HNRNPUL2: variants seen among roughly 807,000 people sequenced by gnomAD.
HNRNPUL2 encodes heterogeneous nuclear ribonucleoprotein U-like protein 2.
In HNRNPUL2, 27 loss-of-function variants were observed where a neutral mutation model predicts 102.2. That is an observed-to-expected ratio of 0.26 (90% confidence interval 0.19 to 0.36). The LOEUF (loss-of-function observed/expected upper bound fraction) is 0.36. Among genes scored for constraint, HNRNPUL2 ranks in the 10% least tolerant of loss-of-function variants. HNRNPUL2 has a pLI of 1.00. For synonymous variants in HNRNPUL2, 458 were observed against 387.2 expected (o/e 1.18, Z -2.15); for missense variants, 936 against 981.1 (o/e 0.95, Z 0.61).
intron 1 of HNRNPUL2, among the ~76,000 whole-genome samples, chr11:62,726,240 G>A (rs1286834528): frequency 1.3e-5 from 2 of 152,150 alleles, no homozygotes; most frequent in East Asian, 1.9e-4. Context: ...GTAGCCCAAA[G>A]ACCTGACCCT....
Position 62,714,658 on chromosome 11 carries a change from G to T in HNRNPUL2, c.*641C>A. On this transcript the variant is annotated 3_prime_UTR_variant, in exon 14 of 14. Coordinates refer to ENST00000301785, the MANE Select transcript of HNRNPUL2 (RefSeq NM_001079559.3). ...CTCAGCCAAACAGCACAAAGGCACA[G>T]GAAAATGGAGAGTTGGGACACTGTA... The T allele has an allele frequency of 6.6e-6, 1 of 152,462 alleles. No homozygotes were observed. 9.4% of individuals were successfully genotyped at this position (152,462 alleles called of 1,614,324 possible). A position where few individuals can be genotyped will look rare whatever the true frequency, so the allele number is the denominator to read the frequency against.
intron 9 of HNRNPUL2, among the ~76,000 whole-genome samples, chr11:62,721,041 C>T (rs990226779): frequency 6.6e-6 from 1 of 152,128 alleles, no homozygotes; most frequent in Non-Finnish European, 1.5e-5. Context: ...AGATCACAAA[C>T]CAGAATGTGG....
At position 62,724,434 on chromosome 11, in the gene HNRNPUL2, A is replaced by G; in HGVS notation, c.539-8T>C. ...CACTATCCTGGTCATCTCCTACAAA[A>G]ACGAGGGAAAGAAAATCAGCAGTTT... On this transcript the variant is annotated splice_region_variant and splice_polypyrimidine_tract_variant and intron_variant, in intron 1 of 13. Coordinates refer to ENST00000301785, the MANE Select transcript of HNRNPUL2 (RefSeq NM_001079559.3). 1.9e-6 allele frequency: 3 copies of G among 1,614,122 alleles called. No homozygotes were observed. The highest frequency in any genetic ancestry group is 2.5e-6 in the Non-Finnish European group (3 of 1,180,000).
chr11:62,725,248 A>G (rs955513241), intron 1 of HNRNPUL2, among the ~76,000 whole-genome samples: 1 of 152,026 alleles, frequency 6.6e-6, no homozygotes, highest in African/African-American at 2.4e-5. Flanking sequence ...CCCAGGCTGG[A>G]GTGTAGTGGC....
Position 62,721,388 on chromosome 11 carries a change from T to C in HNRNPUL2, c.1518A>G (p.Lys506=), listed in dbSNP as rs150784634. ...CTTGCTGAACTAAAAGGTCTCGGCT[T>C]TTGGGGTCCATCTCTGGCTCCTCGA... is the stretch of plus-strand genomic sequence containing the variant. The part of the protein sequence containing the change: ...KGLEEPEMDP[K]SRDLLVQQAS... Residue 506 remains lysine (K), a synonymous_variant, in exon 9 of 14, where the codon AAA becomes AAG. Transcript: ENST00000301785. 1.5e-4 allele frequency: 234 copies of C among 1,608,644 alleles called. 1 individual carries two copies. The East Asian group carries it at 4.4e-3, about 30-fold the overall frequency.
rs562233352 is a variant in HNRNPUL2 at position 62,715,097 on chromosome 11, T to TA, written c.*201dup. On this transcript the variant is annotated 3_prime_UTR_variant, in exon 14 of 14. Coordinates refer to ENST00000301785, the MANE Select transcript of HNRNPUL2 (RefSeq NM_001079559.3). ...AGACAATATTCTTTTCAACAAACTT[T>TA]AAAAAAAATGTACAGTTTTGTTGTT... 4.5e-4 allele frequency: 249 copies of TA among 553,094 alleles called. 2 individuals carry two copies. The South Asian group carries it at 5.7e-3, about 13-fold the overall frequency. 34.3% of individuals were successfully genotyped at this position (553,094 alleles called of 1,614,324 possible).
rs2083689868 is a variant in HNRNPUL2, at chr11:62,720,198, A to G, written c.1612-7T>C. The G allele has an allele frequency of 6.2e-7, 1 of 1,612,446 alleles. No individual in the cohort carries two copies. Among genetic ancestry groups the G allele is most frequent in the Non-Finnish European group, 8.5e-7 (1 of 1,178,548 alleles). ...CAGAATTGTACACATTACACTAAGA[A>G]CAGGAGGAATAACTGATGTTTAGGA... On this transcript the variant is annotated splice_polypyrimidine_tract_variant and splice_region_variant and intron_variant, in intron 9 of 13. Coordinates refer to ENST00000301785, the MANE Select transcript of HNRNPUL2 (RefSeq NM_001079559.3).
chr11:62,712,750 T>TA lies in HNRNPUL2; in HGVS notation c.*2548dup, dbSNP rs1298415504. 1 of 152,122 alleles carries TA rather than the reference T, an allele frequency of 6.6e-6. No individual in the cohort carries two copies. The highest frequency in any genetic ancestry group is 1.9e-4 in the East Asian group (1 of 5,198). 9.4% of individuals were successfully genotyped at this position (152,122 alleles called of 1,614,324 possible). A position where few individuals can be genotyped will look rare whatever the true frequency, so the allele number is the denominator to read the frequency against. The stretch of plus-strand genomic sequence containing the variant: ...TTACAGATGTAAACAATGACACAGT[T>TA]ACATTTTTTTTTTAAATGGTAAAAC... On this transcript the variant is annotated 3_prime_UTR_variant, in exon 14 of 14. Transcript: ENST00000301785.
At position 62,722,216 on chromosome 11, in the gene HNRNPUL2, G is replaced by A. The variant is rs559437221; in HGVS notation, c.1260C>T (p.Pro420=). The change falls in exon 7 of 14, where the codon CCC becomes CCT. Residue 420 remains proline, a synonymous_variant. Transcript: ENST00000301785. ...VELNFGQKEE[P]FFPPPEEFVF... ...CAAACTCTTCTGGTGGTGGGAAGAA[G>A]GGCTCCTCCTTCTGACCGAAGTTTA... The A allele has an allele frequency of 1.2e-6, 2 of 1,614,184 alleles. No individual in the cohort carries two copies. The highest frequency in any genetic ancestry group is 1.7e-6 in the Non-Finnish European group (2 of 1,180,024).
intron 3 of HNRNPUL2, 88 bp from the exon 4 acceptor site, chr11:62,723,814 A>G: frequency 6.2e-7 from 1 of 1,600,468 alleles, no homozygotes. Flanking sequence ...GTTGTAGTGG[A>G]TACAAAGTCT....
intron 3 of HNRNPUL2, 87 bp from the exon 4 acceptor site, chr11:62,723,813 G>C (rs1159316596): frequency 6.3e-7 from 1 of 1,599,418 alleles, no homozygotes; most frequent in Non-Finnish European, 8.6e-7. Flanking sequence ...TGTTGTAGTG[G>C]ATACAAAGTC....
intron 6 of HNRNPUL2, 104 bp downstream of exon 6, chr11:62,722,497 C>A: frequency 7.0e-7 from 1 of 1,424,154 alleles, no homozygotes; most frequent in Non-Finnish European, 9.9e-7. Context: ...GCGAGCCACA[C>A]ACATCACATG....
chr11:62,715,169 C>A lies in HNRNPUL2; in HGVS notation c.*130G>T, dbSNP rs1285282586. 1 of 139,582 alleles carries A rather than the reference C, an allele frequency of 7.2e-6. No homozygotes were observed. The highest frequency in any genetic ancestry group is 1.6e-5 in the Non-Finnish European group (1 of 64,198). The allele number at this position is 139,582 out of a possible 1,614,324, so 8.6% of individuals were successfully genotyped here. On this transcript the variant is annotated 3_prime_UTR_variant, in exon 14 of 14. Transcript: ENST00000301785. The stretch of plus-strand genomic sequence containing the variant: ...CCACCCCTGCTTGAGCACCCTCCCC[C>A]CCCACCACCCCTCCCCGGCAGCTCA...
intron 10 of HNRNPUL2, among the ~76,000 whole-genome samples, chr11:62,719,116 G>A (rs1482934149): frequency 4.6e-5 from 7 of 152,058 alleles, no homozygotes; most frequent in South Asian, 2.1e-4. Flanking sequence ...GTCAGCCACC[G>A]CGCCTGGCTC....
Position 62,715,580 on chromosome 11 carries a change from T to C in HNRNPUL2, c.2083A>G (p.Arg695Gly), listed in dbSNP as rs2083654209. The C allele has an allele frequency of 1.2e-6, 2 of 1,612,738 alleles. No homozygotes were observed. The highest frequency in any genetic ancestry group is 1.3e-5 in the African/African-American group (1 of 74,834). Reference protein sequence around the residue: ...GGYRNFYDRYRGDYDRFYGRD... With the variant: ...GGYRNFYDRYGGDYDRFYGRD... Reference sequence around the variant, plus strand: ...CCGTAAAATCGATCATAGTCTCCCCTGTATCGATCATAGAAATTACGGTAA... The same window carrying C: ...CCGTAAAATCGATCATAGTCTCCCCCGTATCGATCATAGAAATTACGGTAA... Residue 695 changes from arginine to glycine, a missense_variant, in exon 13 of 14, where the codon AGG (arginine) becomes GGG (glycine). Arg to Gly is a moderately radical substitution (Grantham distance 125). Around this residue, in one of 2 missense-constraint regions of HNRNPUL2, gnomAD observed 609 missense variants for 713.0 expected, o/e 0.85. Coordinates refer to ENST00000301785, the MANE Select transcript of HNRNPUL2 (RefSeq NM_001079559.3).
At chr11:62,718,067 G>A (rs568252060) in intron 10 of HNRNPUL2, among the ~76,000 whole-genome samples, 1 of 152,196 alleles carries the variant, frequency 6.6e-6, no homozygotes, top group Non-Finnish European at 1.5e-5. Flanking sequence ...GACTGGCATA[G>A]TTCATTCTCA....
rs1185021063 is a variant in HNRNPUL2 at position 62,713,770 on chromosome 11, T to C, written c.*1529A>G. On this transcript the variant is annotated 3_prime_UTR_variant, in exon 14 of 14. Coordinates refer to ENST00000301785, the MANE Select transcript of HNRNPUL2 (RefSeq NM_001079559.3). ...GCATTTTCTAGTGGCACAGATTTTC[T>C]CACTAGGAACTGCTGCAGTATGTGG... 6.6e-6 allele frequency: 1 copy of C among 152,224 alleles called. No individual in the cohort carries two copies. Among genetic ancestry groups the C allele is most frequent in the African/African-American group, 2.4e-5 (1 of 41,438 alleles). 9.4% of individuals were successfully genotyped at this position (152,224 alleles called of 1,614,324 possible). A position where few individuals can be genotyped will look rare whatever the true frequency, so the allele number is the denominator to read the frequency against.
Position 62,713,025 on chromosome 11 carries a change from C to T in HNRNPUL2, c.*2274G>A, listed in dbSNP as rs548434063. 2.6e-5 allele frequency: 4 copies of T among 152,322 alleles called. No homozygotes were observed. Among genetic ancestry groups the T allele is most frequent in the African/African-American group, 9.6e-5 (4 of 41,572 alleles). The allele number at this position is 152,322 out of a possible 1,614,324, so 9.4% of individuals were successfully genotyped here. A position where few individuals can be genotyped will look rare whatever the true frequency, so the allele number is the denominator to read the frequency against. ...AAAACCCGGACATCTACTGTTGTTG[C>T]AAATGATCTCTTGGACTAAACCAAC... is the stretch of plus-strand genomic sequence containing the variant. On this transcript the variant is annotated 3_prime_UTR_variant, in exon 14 of 14. Coordinates refer to ENST00000301785, the MANE Select transcript of HNRNPUL2 (RefSeq NM_001079559.3).
At position 62,716,983 on chromosome 11, in the gene HNRNPUL2, A is replaced by T. The variant is rs748009626; in HGVS notation, c.1981+6T>A. 1.6e-5 allele frequency: 26 copies of T among 1,611,620 alleles called. No individual in the cohort carries two copies. The highest frequency in any genetic ancestry group is 2.2e-5 in the Non-Finnish European group (26 of 1,179,574). ...AGTAGGGGGCTGGCAGGTCCCCAAG[A>T]CTCACCATAGCCTTGGCCCCGGCTT... On this transcript the variant is annotated splice_donor_region_variant and intron_variant, in intron 11 of 13. Transcript: ENST00000301785.
Sources: gnomAD v4.1 joint callset for allele counts (sites outside exome capture counted in the v4.1 genomes callset) on GRCh38, gnomAD v4.1.1 for gene constraint, gnomAD v4.1.1 regional missense constraint, MANE v1.5 for transcripts, NCBI Gene and HGNC (gene_info 2026-07-23, HGNC 2026-07-21) for gene names.